SLC22A4: variants seen among roughly 807,000 people sequenced by gnomAD.
The protein encoded by SLC22A4 is ET transporter.
SLC22A4 carries 39 observed loss-of-function variants against 56.6 expected under a neutral mutation model. The observed-to-expected ratio is 0.69, with a 90% CI of 0.53 to 0.90. SLC22A4 has a LOEUF of 0.90. Among genes scored for constraint, SLC22A4 ranks in the 40% least tolerant of loss-of-function variants. The pLI, the probability that SLC22A4 is intolerant of heterozygous loss-of-function variation, is 0.00. For synonymous variants in SLC22A4, 241 were observed against 281.4 expected (o/e 0.86, Z 1.44); for missense variants, 594 against 696.5 (o/e 0.85, Z 1.66).
chr5:132,306,403 A>T (rs1750035611), intron 1 of SLC22A4, among the ~76,000 whole-genome samples: 1 of 43,224 alleles, frequency 2.3e-5, no homozygotes, highest in Non-Finnish European at 3.9e-5. Context: ...ATATATATAT[A>T]TATATATATA....
chr5:132,325,989 AACTG>A (rs1444284099), intron 4 of SLC22A4, among the ~76,000 whole-genome samples: 1 of 152,236 alleles, frequency 6.6e-6, no homozygotes, highest in Non-Finnish European at 1.5e-5. Flanking sequence ...TTTCTGCATA[AACTG>A]ACCTTTCATC....
At chr5:132,309,318 A>G (rs1406347274) in intron 1 of SLC22A4, among the ~76,000 whole-genome samples, 2 of 152,180 alleles carry the variant, frequency 1.3e-5, no homozygotes, top group African/African-American at 4.8e-5. Flanking sequence ...AGAATCAACC[A>G]TGGGCAGCCA....
At chr5:132,302,685 G>A (rs1207224251) in intron 1 of SLC22A4, among the ~76,000 whole-genome samples, 6 of 152,152 alleles carry the variant, frequency 3.9e-5, no homozygotes, top group Admixed American at 3.9e-4. Context: ...GCACAGACAC[G>A]ATGCCATTTG....
rs1315694108 is a variant in SLC22A4, at chr5:132,332,180, G to A, written c.1046+330G>A. The A allele has an allele frequency of 1.5e-5, 5 of 328,868 alleles. No homozygotes were observed. In the East Asian group the frequency reaches 3.9e-4, roughly 26 times the overall value. The allele number at this position is 328,868 out of a possible 1,614,324, so 20.4% of individuals were successfully genotyped here. On this transcript the variant is annotated intron_variant, in intron 6 of 9. Coordinates refer to ENST00000200652, the MANE Select transcript of SLC22A4 (RefSeq NM_003059.3). ...AATACAAAAATTACCTGGGCATGGT[G>A]GCACATACCTGTAATCCCAGCTACT...
chr5:132,320,938 G>C (rs1750516464), intron 3 of SLC22A4: 1 of 152,186 alleles, frequency 6.6e-6, no homozygotes, highest in African/African-American at 2.4e-5. Context: ...CTCCGCCCCA[G>C]GTGTAGTGAA....
chr5:132,331,930 T>G (rs903527718), intron 6 of SLC22A4, 80 bp downstream of exon 6: 1 of 906,972 alleles, frequency 1.1e-6, no homozygotes, highest in Non-Finnish European at 1.9e-6. Flanking sequence ...AGGAACATTA[T>G]GACAACGACT....
chr5:132,315,514 A>C (rs1359900587), intron 3 of SLC22A4, among the ~76,000 whole-genome samples: 1 of 152,144 alleles, frequency 6.6e-6, no homozygotes. Context: ...CAGGGAGAGC[A>C]TACCCCAGGC....
Position 132,340,453 on chromosome 5 carries a change from T to C in SLC22A4, c.1445-112T>C. 9 of 1,028,214 alleles carry C rather than the reference T, an allele frequency of 8.8e-6. No individual in the cohort carries two copies. The South Asian group carries it at 1.2e-4, about 13-fold the overall frequency. 63.7% of individuals were successfully genotyped at this position (1,028,214 alleles called of 1,614,324 possible). A position where few individuals can be genotyped will look rare whatever the true frequency, so the allele number is the denominator to read the frequency against. ...CTTACTTTTTTTTCTCTGAAAATGTTCAGATTTAAATCCATTCTCTTATAC... is the reference window on the plus strand; with the variant it reads ...CTTACTTTTTTTTCTCTGAAAATGTCCAGATTTAAATCCATTCTCTTATAC... On this transcript the variant is annotated intron_variant, in intron 8 of 9. Coordinates refer to ENST00000200652, the MANE Select transcript of SLC22A4 (RefSeq NM_003059.3).
intron 3 of SLC22A4, among the ~76,000 whole-genome samples, chr5:132,319,283 C>G (rs921741219): frequency 7.9e-6 from 1 of 126,472 alleles, no homozygotes; most frequent in Non-Finnish European, 1.6e-5. Context: ...GCCTAGGCAA[C>G]AGAGCACAAG....
intron 2 of SLC22A4, among the ~76,000 whole-genome samples, chr5:132,312,908 T>A (rs1292823152): frequency 6.6e-6 from 1 of 152,158 alleles, no homozygotes; most frequent in Non-Finnish European, 1.5e-5. Flanking sequence ...GCCAGAGACA[T>A]GAGTTTGGAA....
At chr5:132,306,014 A>G (rs1204628312) in intron 1 of SLC22A4, among the ~76,000 whole-genome samples, 1 of 152,144 alleles carries the variant, frequency 6.6e-6, no homozygotes, top group Non-Finnish European at 1.5e-5. Context: ...GAGAAATGCA[A>G]TCAAAACCAC....
At chr5:132,323,017 G>A (rs1410713760) in intron 4 of SLC22A4, among the ~76,000 whole-genome samples, 1 of 152,132 alleles carries the variant, frequency 6.6e-6, no homozygotes, top group Non-Finnish European at 1.5e-5. Flanking sequence ...CATAGAACAA[G>A]GTGTCAGACA....
chr5:132,296,442 A>G (rs1173263858), intron 1 of SLC22A4, among the ~76,000 whole-genome samples: 1 of 152,376 alleles, frequency 6.6e-6, no homozygotes, highest in East Asian at 1.9e-4. Flanking sequence ...TCTAGCTGCT[A>G]TGATAAACAA....
chr5:132,340,222 C>T (rs1289235098), intron 8 of SLC22A4, among the ~76,000 whole-genome samples: 1 of 151,896 alleles, frequency 6.6e-6, no homozygotes, highest in Non-Finnish European at 1.5e-5. Flanking sequence ...TCCTTGATGT[C>T]CTCCCATCCC....
chr5:132,331,903 T>C, intron 6 of SLC22A4, 53 bp downstream of exon 6: 3 of 1,138,770 alleles, frequency 2.6e-6, no homozygotes, highest in Admixed American at 3.4e-5. Context: ...AGTATGCAAC[T>C]GATTTTCTTA....
At chr5:132,327,979 GCCAT>G (rs1750730806) in intron 5 of SLC22A4, among the ~76,000 whole-genome samples, 1 of 152,166 alleles carries the variant, frequency 6.6e-6, no homozygotes, top group South Asian at 2.1e-4. Flanking sequence ...TATGCAGTGT[GCCAT>G]GCCCTGTGCT....
intron 6 of SLC22A4, among the ~76,000 whole-genome samples, chr5:132,332,605 G>T (rs73787129): frequency 6.6e-6 from 1 of 152,060 alleles, no homozygotes; most frequent in Admixed American, 6.6e-5. Context: ...CTTTTTACAC[G>T]TGCCAATAGC....
At chr5:132,305,272 A>C (rs886702939) in intron 1 of SLC22A4, among the ~76,000 whole-genome samples, 6 of 152,226 alleles carry the variant, frequency 3.9e-5, no homozygotes, top group African/African-American at 1.4e-4. Context: ...AAATGTATAG[A>C]GTCTCAGAGA....
At chr5:132,331,375 C>T (rs930531623) in intron 5 of SLC22A4, among the ~76,000 whole-genome samples, 5 of 151,958 alleles carry the variant, frequency 3.3e-5, no homozygotes, top group Admixed American at 6.6e-5. Context: ...AAAAAGCAGA[C>T]GTGGCCTCAA....
Sources: allele counts gnomAD v4.1 joint callset (sites outside exome capture counted in the v4.1 genomes callset), GRCh38; gene constraint gnomAD v4.1.1; transcripts MANE v1.5; gene names NCBI Gene and HGNC (gene_info 2026-07-23, HGNC 2026-07-21).